The following SLC24A2 variants were observed in gnomAD, a reference collection of about 807,000 sequenced individuals.
SLC24A2 encodes the protein sodium/potassium/calcium exchanger 2.
Under a neutral mutation model 62.0 loss-of-function variants are expected in SLC24A2, and 36 were observed. The ratio of observed to expected loss-of-function variants is 0.58; its 90% confidence interval spans 0.44 to 0.77. SLC24A2 has a LOEUF of 0.77. Among genes scored for constraint, SLC24A2 ranks in the 30% least tolerant of loss-of-function variants. The probability of loss-of-function intolerance (pLI) is 0.00; values close to 1 mark genes in which losing one functional copy is unlikely to be tolerated. For missense variants in SLC24A2, 846 were observed against 817.9 expected (o/e 1.03, Z -0.42); for synonymous variants, 358 against 294.0 (o/e 1.22, Z -2.23).
chr9:19,967,582 A>C, the SLC24A2 span: 1 of 152,196 alleles, frequency 6.6e-6, no homozygotes, highest in Non-Finnish European at 1.5e-5. Flanking sequence ...CCATGCTTCC[A>C]GTTCTTTATA....
the SLC24A2 span, among the ~76,000 whole-genome samples, chr9:19,836,002 G>A: frequency 0.016 from 2,475 of 152,266 alleles, 70 homozygotes; most frequent in African/African-American, 0.057. Flanking sequence ...AATGAAGGCA[G>A]AAATAAAGAA....
At chr9:19,787,561 T>A (rs1378636329) in intron 1 of SLC24A2, among the ~76,000 whole-genome samples, 1 of 152,200 alleles carries the variant, frequency 6.6e-6, no homozygotes, top group African/African-American at 2.4e-5. Flanking sequence ...TTTAGTGATC[T>A]TTTTTCTGCA....
At chr9:19,990,922 G>GATATATATATAT in the SLC24A2 span, among the ~76,000 whole-genome samples, 2,402 of 120,732 alleles carry the variant, frequency 0.02, 39 homozygotes, top group East Asian at 0.039. Flanking sequence ...GGACTAATAG[G>GATATATATATAT]ATATATATAT....
At chr9:19,743,406 G>A (rs1251382216) in intron 2 of SLC24A2, among the ~76,000 whole-genome samples, 1 of 152,104 alleles carries the variant, frequency 6.6e-6, no homozygotes, top group East Asian at 1.9e-4. Context: ...AATTCTTAAA[G>A]CAAAGATAAT....
chr9:20,056,194 A>C, the SLC24A2 span, among the ~76,000 whole-genome samples: 1 of 152,218 alleles, frequency 6.6e-6, no homozygotes, highest in Non-Finnish European at 1.5e-5. Context: ...CATTTTTCCC[A>C]AGAAACAAAA....
At chr9:19,540,722 C>T (rs1362645296) in intron 8 of SLC24A2, among the ~76,000 whole-genome samples, 2,000 of 142,638 alleles carry the variant, frequency 0.014, 34 homozygotes, top group African/African-American at 0.052. Flanking sequence ...TTGTGGCATT[C>T]TCTGTATTTC....
At chr9:19,517,766 A>G (rs1258240098) in intron 10 of SLC24A2, among the ~76,000 whole-genome samples, 1 of 152,084 alleles carries the variant, frequency 6.6e-6, no homozygotes, top group Non-Finnish European at 1.5e-5. Context: ...TCCTGGGGTC[A>G]GCAATGAAAA....
At position 19,573,419 on chromosome 9, in the gene SLC24A2, A is replaced by G; in HGVS notation, c.1279T>C (p.Ser427Pro). ...TGTACAGGTTCTGAAGCATCACTGG[A>G]TGGTGTCATTTCAACATCTGTGCTG... ...STSTDVEMTP[S>P]SDASEPVQNG... The change falls in exon 7 of 11, where the codon TCC (serine) becomes CCC (proline). Residue 427 changes from serine (S) to proline (P), a missense_variant. Transcript: ENST00000341998. 6.2e-7 allele frequency: 1 copy of G among 1,609,994 alleles called. No individual in the cohort carries two copies. Among genetic ancestry groups the G allele is most frequent in the Non-Finnish European group, 8.5e-7 (1 of 1,177,878 alleles).
intron 5 of SLC24A2, among the ~76,000 whole-genome samples, chr9:19,581,394 G>A (rs1351909117): frequency 1.3e-5 from 2 of 152,130 alleles, no homozygotes; most frequent in Non-Finnish European, 2.9e-5. Flanking sequence ...TACTGCTGCA[G>A]CAAAATGGAT....
chr9:19,872,907 G>T, the SLC24A2 span, among the ~76,000 whole-genome samples: 6 of 152,144 alleles, frequency 3.9e-5, no homozygotes, highest in African/African-American at 1.2e-4. Context: ...CAGTCCTGTA[G>T]TGCTGGAGAT....
chr9:19,593,995 T>C (rs935982266), intron 5 of SLC24A2, among the ~76,000 whole-genome samples: 7 of 152,150 alleles, frequency 4.6e-5, no homozygotes, highest in African/African-American at 1.2e-4. Context: ...CCAGTGAACG[T>C]TGGTGTGCAT....
In SLC24A2 at chr9:19,563,657, C is replaced by T. The variant is rs115919421; in HGVS notation, c.1347+9694G>A. ...CAACAGTGACGATGCCAATCTGTAACAAAACTTCTGATTTTTATAATGACC... is the reference window on the plus strand; with the variant it reads ...CAACAGTGACGATGCCAATCTGTAATAAAACTTCTGATTTTTATAATGACC... On this transcript the variant is annotated intron_variant, in intron 7 of 10. Coordinates refer to ENST00000341998, the MANE Select transcript of SLC24A2 (RefSeq NM_020344.4). Among the ~76,000 whole-genome samples the T allele has an allele frequency of 9.6e-3, 1,469 of 152,248 alleles. 25 individuals carry two copies. The highest frequency in any genetic ancestry group is 0.032 in the African/African-American group (1,331 of 41,526).
chr9:20,303,134 TA>T, the SLC24A2 span, among the ~76,000 whole-genome samples: 3 of 151,896 alleles, frequency 2.0e-5, no homozygotes, highest in East Asian at 1.9e-4. Context: ...TTTTTTTCTT[TA>T]AAAAAAAGGA....
At chr9:19,603,866 C>G (rs776233975) in intron 4 of SLC24A2, among the ~76,000 whole-genome samples, 1 of 152,196 alleles carries the variant, frequency 6.6e-6, no homozygotes, top group Non-Finnish European at 1.5e-5. Flanking sequence ...TTCAGAACCC[C>G]GTTGAGGTTC....
the SLC24A2 span, among the ~76,000 whole-genome samples, chr9:20,297,674 G>C: frequency 6.6e-6 from 1 of 152,216 alleles, no homozygotes; most frequent in African/African-American, 2.4e-5. Flanking sequence ...TCGTGTGACA[G>C]CTCTCAGATG....
chr9:20,203,393 C>T, the SLC24A2 span, among the ~76,000 whole-genome samples: 1 of 152,080 alleles, frequency 6.6e-6, no homozygotes, highest in African/African-American at 2.4e-5. Context: ...TAATTCAGCT[C>T]CACGGTATAC....
intron 8 of SLC24A2, among the ~76,000 whole-genome samples, chr9:19,529,744 G>T (rs1292545713): frequency 6.8e-6 from 1 of 146,838 alleles, no homozygotes; most frequent in Non-Finnish European, 1.5e-5. Context: ...TGGAGTTGGA[G>T]ACCTTCGTTT....
At chr9:19,530,041 C>T (rs75547604) in intron 8 of SLC24A2, among the ~76,000 whole-genome samples, 1 of 151,166 alleles carries the variant, frequency 6.6e-6, no homozygotes, top group African/African-American at 2.4e-5. Context: ...GTGTAAGCCA[C>T]CGCACCCAGC....
intron 9 of SLC24A2, among the ~76,000 whole-genome samples, chr9:19,524,380 CAAT>C (rs1833338610): frequency 1.7e-5 from 1 of 57,956 alleles, no homozygotes; most frequent in Non-Finnish European, 3.7e-5. Flanking sequence ...AGTGCAAAAA[CAAT>C]AAGAAACAAG....
Sources: allele counts gnomAD v4.1 joint callset (sites outside exome capture counted in the v4.1 genomes callset), GRCh38; gene constraint gnomAD v4.1.1; transcripts MANE v1.5; gene names NCBI Gene and HGNC (gene_info 2026-07-23, HGNC 2026-07-21).